SMAD4: variants seen among roughly 807,000 people sequenced by gnomAD.
The protein encoded by SMAD4 is MAD homolog 4.
SMAD4 carries 7 observed loss-of-function variants against 63.2 expected under a neutral mutation model. The ratio of observed to expected loss-of-function variants is 0.11; its 90% confidence interval spans 0.06 to 0.21. SMAD4 has a LOEUF of 0.21. Among genes scored for constraint, SMAD4 ranks in the 10% least tolerant of loss-of-function variants. The pLI, the probability that SMAD4 is intolerant of heterozygous loss-of-function variation, is 1.00. For synonymous variants in SMAD4, 215 were observed against 235.4 expected, an observed-to-expected ratio of 0.91 and a Z score of 0.79; for missense variants, 312 against 693.8, an observed-to-expected ratio of 0.45 and a Z score of 6.18.
Position 51,083,746 on chromosome 18 carries a change from GATTA to G in SMAD4, c.*5284_*5287del. On this transcript the variant is annotated 3_prime_UTR_variant, in exon 12 of 12. Coordinates refer to ENST00000342988, the MANE Select transcript of SMAD4 (RefSeq NM_005359.6). ...TCTGTAAAATGAGGGAGTTGGAGTA[GATTA>G]ATTATTCCAGCTCTGAAATTCTAAG... is the stretch of plus-strand genomic sequence containing the variant. 4.4e-6 allele frequency: 1 copy of G among 229,826 alleles called. No individual in the cohort carries two copies. Among genetic ancestry groups the G allele is most frequent in the African/African-American group, 2.2e-5 (1 of 45,250 alleles). 14.2% of individuals were successfully genotyped at this position (229,826 alleles called of 1,614,324 possible). A position where few individuals can be genotyped will look rare whatever the true frequency, so the allele number is the denominator to read the frequency against.
rs903703464 is a variant in SMAD4 at position 51,081,711 on chromosome 18, G to A, written c.*3244G>A. ...GTAAAGGGGGGTGTTTGTAATACAA[G>A]TTGAAGGCAAAATAAAATGTCCTGT... On this transcript the variant is annotated 3_prime_UTR_variant, in exon 12 of 12. Transcript: ENST00000342988. The A allele has an allele frequency of 8.6e-6, 2 of 232,782 alleles. No homozygotes were observed. The highest frequency in any genetic ancestry group is 1.2e-4 in the East Asian group (2 of 16,494). 14.4% of individuals were successfully genotyped at this position (232,782 alleles called of 1,614,324 possible).
chr18:51,033,027 TAGA>T (rs1321983501), intron 1 of SMAD4, among the ~76,000 whole-genome samples: 4 of 152,122 alleles, frequency 2.6e-5, no homozygotes, highest in African/African-American at 9.7e-5. Flanking sequence ...TTTGTTGAAC[TAGA>T]AGACTGTGTG....
intron 2 of SMAD4, among the ~76,000 whole-genome samples, 184 bp downstream of exon 2, chr18:51,047,479 T>C (rs962007821): frequency 6.6e-6 from 1 of 152,202 alleles, no homozygotes; most frequent in African/African-American, 2.4e-5. Context: ...AATCTTAAAG[T>C]TTTTTAATGT....
intron 8 of SMAD4, among the ~76,000 whole-genome samples, chr18:51,064,940 G>A (rs562149700): frequency 6.8e-4 from 103 of 152,232 alleles, no homozygotes; most frequent in Non-Finnish European, 1.2e-3. Flanking sequence ...GTCATGAGTC[G>A]ATGTTATTCA....
rs1910678807 is a variant in SMAD4, at chr18:51,084,003, C to CGCGCGT, written c.*5541_*5542insTGCGCG. The CGCGCGT allele has an allele frequency of 5.9e-5, 6 of 102,444 alleles. No homozygotes were observed. Among genetic ancestry groups the CGCGCGT allele is most frequent in the African/African-American group, 2.7e-4 (5 of 18,652 alleles). 6.3% of individuals were successfully genotyped at this position (102,444 alleles called of 1,614,324 possible). Reference sequence around the variant, plus strand: ...AATAAACACTTAACGCGCGTGCGCACGCGCGCGCGCACACACACACACACA... The same window carrying CGCGCGT: ...AATAAACACTTAACGCGCGTGCGCACGCGCGTGCGCGCGCGCACACACACACACACA... On this transcript the variant is annotated 3_prime_UTR_variant, in exon 12 of 12. Transcript: ENST00000342988.
chr18:51,057,534 GT>G (rs1353431197), intron 5 of SMAD4, among the ~76,000 whole-genome samples: 3 of 152,114 alleles, frequency 2.0e-5, no homozygotes, highest in African/African-American at 7.2e-5. Context: ...TAGACTGATA[GT>G]TTTTTTGTTT....
chr18:51,052,749 G>T (rs2144413897), intron 4 of SMAD4: 1 of 203,896 alleles, frequency 4.9e-6, no homozygotes, highest in South Asian at 6.9e-5. Flanking sequence ...TTAGTTTCTG[G>T]TGTTTCCTTC....
rs545339199 is a variant in SMAD4 at position 51,078,171 on chromosome 18, C to G, written c.1448-85C>G. Reference sequence around the variant, plus strand: ...GCTGAGGAGAATGAAATACAGAAAGCTGGTCACTTGATTAATTTAGAATGT... The same window carrying G: ...GCTGAGGAGAATGAAATACAGAAAGGTGGTCACTTGATTAATTTAGAATGT... On this transcript the variant is annotated intron_variant, in intron 11 of 11. Transcript: ENST00000342988. The G allele has an allele frequency of 1.9e-4, 214 of 1,109,984 alleles. 1 individual carries two copies. In the East Asian group the frequency reaches 4.9e-3, roughly 26 times the overall value. 68.8% of individuals were successfully genotyped at this position (1,109,984 alleles called of 1,614,324 possible). A position where few individuals can be genotyped will look rare whatever the true frequency, so the allele number is the denominator to read the frequency against.
intron 9 of SMAD4, among the ~76,000 whole-genome samples, chr18:51,066,298 C>T (rs539491575): frequency 3.0e-4 from 44 of 148,174 alleles, no homozygotes; most frequent in Non-Finnish European, 5.5e-4. Flanking sequence ...GAGCTGAGAT[C>T]GTGCCACTGC....
intron 5 of SMAD4, among the ~76,000 whole-genome samples, 153 bp from the exon 6 acceptor site, chr18:51,057,972 A>G (rs912495178): frequency 3.9e-5 from 6 of 152,232 alleles, no homozygotes; most frequent in African/African-American, 1.4e-4. Flanking sequence ...AGATGACTGT[A>G]GGTTTTTTAC....
At chr18:51,038,307 AT>A (rs531438670) in intron 1 of SMAD4, among the ~76,000 whole-genome samples, 359 of 151,980 alleles carry the variant, frequency 2.4e-3, no homozygotes, top group Middle Eastern at 0.021. Flanking sequence ...TGTGTAACTC[AT>A]TGAACCAATA....
chr18:51,052,240 TCATCATTCTCATGATACTTCTA>T (rs1189935420), intron 4 of SMAD4: 1 of 152,574 alleles, frequency 6.6e-6, no homozygotes, highest in African/African-American at 2.4e-5. Flanking sequence ...GAGTATTGTG[TCATCATTCTCATGATACTTCTA>T]CATGGGAGGT....
At chr18:51,063,587 A>G (rs565641863) in intron 8 of SMAD4, among the ~76,000 whole-genome samples, 47 of 151,190 alleles carry the variant, frequency 3.1e-4, no homozygotes, top group African/African-American at 1.1e-3. Flanking sequence ...CAATTTTTCT[A>G]TTTTTCGTAG....
At position 51,079,312 on chromosome 18, in the gene SMAD4, GT is replaced by G. The variant is rs889684258; in HGVS notation, c.*849del. On this transcript the variant is annotated 3_prime_UTR_variant, in exon 12 of 12. Transcript: ENST00000342988. Reference sequence around the variant, plus strand: ...TCTTTTCCTTCATTCATAGGGAAAGGTTTTGTATTTTTTAAAACACTAAAAG... The same window carrying G: ...TCTTTTCCTTCATTCATAGGGAAAGGTTTGTATTTTTTAAAACACTAAAAG... 1.3e-5 allele frequency: 3 copies of G among 233,196 alleles called. No individual in the cohort carries two copies. Among genetic ancestry groups the G allele is most frequent in the African/African-American group, 6.6e-5 (3 of 45,308 alleles). 14.4% of individuals were successfully genotyped at this position (233,196 alleles called of 1,614,324 possible). A position where few individuals can be genotyped will look rare whatever the true frequency, so the allele number is the denominator to read the frequency against.
chr18:51,061,729 A>G lies in SMAD4; in HGVS notation c.955+1813A>G, dbSNP rs553961519. The stretch of plus-strand genomic sequence containing the variant: ...TATATTATTTTGAAGCAAATCCTAT[A>G]TTAGTTTTATATGTAAATATCTTAG... On this transcript the variant is annotated intron_variant, in intron 8 of 11. Coordinates refer to ENST00000342988, the MANE Select transcript of SMAD4 (RefSeq NM_005359.6). 2.6e-5 allele frequency among the ~76,000 whole-genome samples: 4 copies of G among 152,296 alleles called. No homozygotes were observed. In the South Asian group the frequency reaches 8.3e-4, roughly 32 times the overall value.
chr18:51,031,919 C>G (rs1043709179), intron 1 of SMAD4, among the ~76,000 whole-genome samples: 44 of 151,948 alleles, frequency 2.9e-4, no homozygotes, highest in African/African-American at 1.0e-3. Context: ...CTTACTCTCT[C>G]TATATTGGAA....
chr18:51,050,408 G>A (rs1294706420), intron 4 of SMAD4, among the ~76,000 whole-genome samples: 1 of 151,102 alleles, frequency 6.6e-6, no homozygotes, highest in Non-Finnish European at 1.5e-5. Context: ...TCCTGTAATC[G>A]CAGCACTTTG....
At chr18:51,043,405 TGA>T (rs113585969) in intron 1 of SMAD4, among the ~76,000 whole-genome samples, 1 of 152,262 alleles carries the variant, frequency 6.6e-6, no homozygotes, top group African/African-American at 2.4e-5. Flanking sequence ...ATGAGAGAAT[TGA>T]GAGAGATGTT....
rs112739300 is a variant in SMAD4, at chr18:51,083,220, C to T, written c.*4753C>T. On this transcript the variant is annotated 3_prime_UTR_variant, in exon 12 of 12. Transcript: ENST00000342988. ...GTCTGGAGGACACCAGCAAACAACA[C>T]ACAACAAAGCAAAACAAACCTTGGG... 13 of 227,324 alleles carry T rather than the reference C, an allele frequency of 5.7e-5. No homozygotes were observed. The highest frequency in any genetic ancestry group is 1.3e-3 in the Middle Eastern group (1 of 750). 14.1% of individuals were successfully genotyped at this position (227,324 alleles called of 1,614,324 possible). A position where few individuals can be genotyped will look rare whatever the true frequency, so the allele number is the denominator to read the frequency against.
Sources: gnomAD v4.1 joint callset for allele counts (sites outside exome capture counted in the v4.1 genomes callset) on GRCh38, gnomAD v4.1.1 for gene constraint, MANE v1.5 for transcripts, NCBI Gene and HGNC (gene_info 2026-07-23, HGNC 2026-07-21) for gene names.